MTUS1: variants seen among roughly 807,000 people sequenced by gnomAD.
MTUS1 encodes microtubule-associated tumor suppressor 1.
Under a neutral mutation model 120.8 loss-of-function variants are expected in MTUS1, and 109 were observed. The ratio of observed to expected loss-of-function variants is 0.90; its 90% CI spans 0.77 to 1.06. The LOEUF (loss-of-function observed/expected upper bound fraction) is 1.06, where lower values mean the gene tolerates loss of function less well. MTUS1 is among the 50% of genes least tolerant of loss of function. MTUS1 has a pLI of 0.00. For synonymous variants in MTUS1, 737 were observed against 550.5 expected (o/e 1.34, Z -4.74); for missense variants, 2,210 against 1,486.3 (o/e 1.49, Z -8.01).
chr8:17,646,451 G>A (rs1377310135), intron 14 of MTUS1, among the ~76,000 whole-genome samples: 1 of 152,124 alleles, frequency 6.6e-6, no homozygotes, highest in Non-Finnish European at 1.5e-5. Flanking sequence ...AGTCACGCAT[G>A]GTGACATGTG....
chr8:17,718,278 T>C (rs1020975353), intron 4 of MTUS1, among the ~76,000 whole-genome samples: 5 of 152,182 alleles, frequency 3.3e-5, no homozygotes, highest in African/African-American at 1.2e-4. Flanking sequence ...GCCAGAGTCA[T>C]TATATCCAAA....
intron 7 of MTUS1, chr8:17,676,628 A>C: frequency 2.6e-6 from 1 of 389,120 alleles, no homozygotes; most frequent in Non-Finnish European, 4.6e-6. Flanking sequence ...ATTGCCATTT[A>C]GTTAAATATC....
At chr8:17,673,792 T>C (rs537632655) in intron 8 of MTUS1, among the ~76,000 whole-genome samples, 15 of 152,228 alleles carry the variant, frequency 9.9e-5, no homozygotes, top group South Asian at 4.1e-4. Context: ...TGCCGTTTGA[T>C]TTCTGCTGTG....
chr8:17,733,004 C>G (rs1053896911), intron 3 of MTUS1, among the ~76,000 whole-genome samples: 1 of 152,164 alleles, frequency 6.6e-6, no homozygotes, highest in East Asian at 1.9e-4. Flanking sequence ...ATCCCATTAA[C>G]ATTTAAGTCA....
rs749544359 is a variant in MTUS1 at position 17,754,977 on chromosome 8, A to T, written c.831T>A (p.Asp277Glu). The change falls in exon 2 of 15, where the codon GAT becomes GAA. Residue 277 changes from aspartate (D) to glutamate (E), a missense_variant. Transcript: ENST00000693296. ...CTCCAACTAGTCTTTGTTGTGATCC[A>T]TCTGTGTACTCACTGGTGACCTTTC... is the stretch of plus-strand genomic sequence containing the variant. ...SSGKVTSEYT[D>E]GSQQRLVGEK... 3.1e-6 allele frequency: 5 copies of T among 1,614,064 alleles called. No homozygotes were observed. In the South Asian group the frequency reaches 5.5e-5, roughly 18 times the overall value.
intron 6 of MTUS1, chr8:17,697,212 G>C: frequency 1.3e-6 from 2 of 1,539,900 alleles, no homozygotes; most frequent in Non-Finnish European, 1.8e-6. Context: ...AATTAATGAA[G>C]ACATCCCCCG....
chr8:17,690,927 T>C (rs905006693), intron 6 of MTUS1, among the ~76,000 whole-genome samples: 1 of 152,178 alleles, frequency 6.6e-6, no homozygotes, highest in African/African-American at 2.4e-5. Flanking sequence ...AAGAAAATAA[T>C]ATGCATATAC....
chr8:17,765,145 C>T (rs566213014), intron 1 of MTUS1, among the ~76,000 whole-genome samples: 1 of 152,226 alleles, frequency 6.6e-6, no homozygotes, highest in Non-Finnish European at 1.5e-5. Flanking sequence ...GTTCACACTC[C>T]CAGGAGAATC....
chr8:17,732,863 C>T lies in MTUS1; in HGVS notation c.2288-9030G>A, dbSNP rs113128319. Among the ~76,000 whole-genome samples the T allele has an allele frequency of 2.1e-4, 32 of 152,244 alleles. 1 individual carries two copies. The highest frequency in any genetic ancestry group is 7.0e-4 in the African/African-American group (29 of 41,538). On this transcript the variant is annotated intron_variant, in intron 3 of 14. Transcript: ENST00000693296. ...TTCAAGCACATACCTAGAATCTGAG[C>T]GGGCCTCACTGCCACAACCTGGTCC...
chr8:17,740,297 A>G (rs1439250374), intron 3 of MTUS1, among the ~76,000 whole-genome samples: 2 of 152,248 alleles, frequency 1.3e-5, no homozygotes, highest in Non-Finnish European at 2.9e-5. Context: ...AAGCTTCAAG[A>G]AAATGGCTGT....
rs76040896 is a variant in MTUS1 at position 17,728,219 on chromosome 8, C to G, written c.2288-4386G>C. 2.6e-5 allele frequency among the ~76,000 whole-genome samples: 4 copies of G among 152,254 alleles called. No individual in the cohort carries two copies. In the East Asian group the frequency reaches 7.7e-4, roughly 29 times the overall value. On this transcript the variant is annotated intron_variant, in intron 3 of 14. Coordinates refer to ENST00000693296, the MANE Select transcript of MTUS1 (RefSeq NM_001363059.2). ...AAGATGAATACGTCCTACAGATGTG[C>G]TGCACAACTTGTGTTGTAGGAAGCT...
chr8:17,715,755 T>C lies in MTUS1; in HGVS notation c.2584+12A>G, dbSNP rs371584213. On this transcript the variant is annotated intron_variant, in intron 5 of 14. Transcript: ENST00000693296. ...CTTGCCCTCCCTCTTCAAACCACAATGAGGACTGTACCTTTTGGAGGAGTT... is the reference window on the plus strand; with the variant it reads ...CTTGCCCTCCCTCTTCAAACCACAACGAGGACTGTACCTTTTGGAGGAGTT... 2.6e-5 allele frequency: 41 copies of C among 1,601,290 alleles called. No individual in the cohort carries two copies. The highest frequency in any genetic ancestry group is 5.7e-5 in the South Asian group (5 of 88,250).
chr8:17,743,842 C>A, intron 2 of MTUS1, 43 bp from the exon 3 acceptor site: 1 of 1,560,462 alleles, frequency 6.4e-7, no homozygotes, highest in South Asian at 1.2e-5. Context: ...AACTAAAATT[C>A]TAAGCCCCCC....
intron 7 of MTUS1, among the ~76,000 whole-genome samples, chr8:17,679,475 C>T (rs1011668049): frequency 3.9e-5 from 4 of 101,314 alleles, no homozygotes; most frequent in Non-Finnish European, 4.8e-5. Context: ...TTTTTTTCTC[C>T]AACTATTTTT....
chr8:17,692,727 T>C (rs1189222857), intron 6 of MTUS1, among the ~76,000 whole-genome samples: 1 of 152,084 alleles, frequency 6.6e-6, no homozygotes, highest in Admixed American at 6.5e-5. Flanking sequence ...GGTGCTGGGC[T>C]TAATACTTGG....
intron 2 of MTUS1, among the ~76,000 whole-genome samples, chr8:17,747,514 A>G (rs553700477): frequency 6.6e-6 from 1 of 152,310 alleles, no homozygotes; most frequent in African/African-American, 2.4e-5. Context: ...GTCCCCAGCA[A>G]AACCCCACCT....
Position 17,653,215 on chromosome 8 carries a change from TTTG to T in MTUS1, c.3352_3354del (p.Gln1118del). On this transcript the variant is annotated inframe_deletion, in exon 12 of 15. Transcript: ENST00000693296. ...TTTGCTTTTTCTCTTGCTCTTCTTT[TTTG>T]TTCTTCTGATTTCAATTTTTCATTT... 6.4e-7 allele frequency: 1 copy of T among 1,554,654 alleles called. No homozygotes were observed. The highest frequency in any genetic ancestry group is 8.7e-7 in the Non-Finnish European group (1 of 1,154,080).
chr8:17,718,490 T>C (rs1022846744), intron 4 of MTUS1, among the ~76,000 whole-genome samples: 4 of 152,136 alleles, frequency 2.6e-5, no homozygotes, highest in Non-Finnish European at 5.9e-5. Flanking sequence ...GGTATGGGAA[T>C]AGACAGTGCA....
chr8:17,724,018 T>G, intron 3 of MTUS1, 185 bp from the exon 4 acceptor site: 1 of 589,346 alleles, frequency 1.7e-6, no homozygotes, highest in Non-Finnish European at 3.0e-6. Flanking sequence ...TTTGATCATT[T>G]AGAGGCAAGA....
Sources: gnomAD v4.1 joint callset for allele counts (sites outside exome capture counted in the v4.1 genomes callset) on GRCh38, gnomAD v4.1.1 for gene constraint, MANE v1.5 for transcripts, NCBI Gene and HGNC (gene_info 2026-07-23, HGNC 2026-07-21) for gene names.